Variants in CEP57L1 observed in about 807,000 individuals in gnomAD.
CEP57L1 encodes the protein centrosomal protein 57 like 1, also known as centrosomal protein CEP57L1.
Under a neutral mutation model 61.0 loss-of-function variants are expected in CEP57L1, and 37 were observed. The observed-to-expected ratio is 0.61, with a 90% CI of 0.47 to 0.80. The LOEUF is 0.80. CEP57L1 is among the 30% of genes least tolerant of loss of function. The pLI is 0.00. For missense variants in CEP57L1, 422 were observed against 524.7 expected, an observed-to-expected ratio of 0.80 and a Z score of 1.91; for synonymous variants, 137 against 162.3, an observed-to-expected ratio of 0.84 and a Z score of 1.19.
At position 109,163,239 on chromosome 6, in the gene CEP57L1, A is replaced by G. The variant is rs147961277; in HGVS notation, c.*269A>G. The G allele has an allele frequency of 1.8e-5, 5 of 282,814 alleles. No homozygotes were observed. The East Asian group carries it at 4.0e-4, about 23-fold the overall frequency. The allele number at this position is 282,814 out of a possible 1,614,324, so 17.5% of individuals were successfully genotyped here. ...GTTGGCTTTGCAGATATCTTAAGCT[A>G]AATTTAAGAAATTGTACTAGATTGA... On this transcript the variant is annotated 3_prime_UTR_variant, in exon 11 of 11. Coordinates refer to ENST00000517392, the MANE Select transcript of CEP57L1 (RefSeq NM_001271852.3).
At position 109,145,399 on chromosome 6, in the gene CEP57L1, T is replaced by C; in HGVS notation, c.160+18T>C. 6.7e-7 allele frequency: 1 copy of C among 1,501,192 alleles called. No individual in the cohort carries two copies. Among genetic ancestry groups the C allele is most frequent in the Non-Finnish European group, 8.9e-7 (1 of 1,118,272 alleles). The allele number at this position is 1,501,192 out of a possible 1,614,324, so 93.0% of individuals were successfully genotyped here. A position where few individuals can be genotyped will look rare whatever the true frequency, so the allele number is the denominator to read the frequency against. On this transcript the variant is annotated intron_variant, in intron 2 of 10. Transcript: ENST00000517392. Reference sequence around the variant, plus strand: ...TAGCCAAGGTAATGCTGATATAAAATTTGAAGAATGGTAAAAACATGCTAT... The same window carrying C: ...TAGCCAAGGTAATGCTGATATAAAACTTGAAGAATGGTAAAAACATGCTAT...
At chr6:109,153,790 C>T in intron 4 of CEP57L1, 43 bp from the exon 5 acceptor site, 1 of 1,113,200 alleles carries the variant, frequency 9.0e-7, no homozygotes, top group South Asian at 1.3e-5. Context: ...ATTGGCATTA[C>T]TTGCCAAATT....
intron 1 of CEP57L1, among the ~76,000 whole-genome samples, chr6:109,107,563 T>C (rs1771088609): frequency 6.6e-6 from 1 of 152,138 alleles, no homozygotes; most frequent in African/African-American, 2.4e-5. Context: ...ATTAAGGTAT[T>C]CATAAGGGAA....
rs17070184 is a variant in CEP57L1 at position 109,115,894 on chromosome 6, A to G, written c.-4+20319A>G. Reference sequence around the variant, plus strand: ...TAAGTGGTAATACTTTTCAAATGTTAAGTTGATATTTTTAGATTTTGCCTT... The same window carrying G: ...TAAGTGGTAATACTTTTCAAATGTTGAGTTGATATTTTTAGATTTTGCCTT... On this transcript the variant is annotated intron_variant, in intron 1 of 10. Coordinates refer to ENST00000517392, the MANE Select transcript of CEP57L1 (RefSeq NM_001271852.3). 3.4e-3 allele frequency among the ~76,000 whole-genome samples: 517 copies of G among 152,222 alleles called. 1 individual carries two copies. The highest frequency in any genetic ancestry group is 0.01 in the African/African-American group (417 of 41,554).
At chr6:109,138,092 C>T (rs1770938812) in intron 1 of CEP57L1, among the ~76,000 whole-genome samples, 3 of 152,150 alleles carry the variant, frequency 2.0e-5, no homozygotes, top group Non-Finnish European at 4.4e-5. Context: ...CTAGAGAGGA[C>T]TGAACAAAAG....
At chr6:109,153,972 A>G (rs1302492177) in intron 5 of CEP57L1, 23 bp downstream of exon 5, 1 of 1,201,324 alleles carries the variant, frequency 8.3e-7, no homozygotes, top group Non-Finnish European at 1.2e-6. Context: ...TGAAGTGATG[A>G]CAACAGGAAT....
intron 1 of CEP57L1, among the ~76,000 whole-genome samples, chr6:109,135,452 A>G (rs995067810): frequency 1.3e-5 from 2 of 152,256 alleles, no homozygotes; most frequent in Admixed American, 6.5e-5. Context: ...ACCTAAAACC[A>G]TAAAAACCCT....
At chr6:109,120,632 G>C (rs972686655) in intron 1 of CEP57L1, among the ~76,000 whole-genome samples, 1 of 151,818 alleles carries the variant, frequency 6.6e-6, no homozygotes, top group African/African-American at 2.4e-5. Flanking sequence ...TGGGATTATG[G>C]GCTACTCTTA....
chr6:109,144,283 T>G (rs889979157), intron 1 of CEP57L1, among the ~76,000 whole-genome samples: 1 of 152,026 alleles, frequency 6.6e-6, no homozygotes, highest in African/African-American at 2.4e-5. Flanking sequence ...ATTGAGGAGG[T>G]GGTGAAATCA....
In CEP57L1 at chr6:109,168,611, T is replaced by TC. The variant is rs1264380020; in HGVS notation, c.*5641_*5642insC. On this transcript the variant is annotated 3_prime_UTR_variant, in exon 11 of 11. Transcript: ENST00000517392. ...CAGCATTTTTTTTTTTTTTTTTTTT[T>TC]TGAGATTGGAGTCTCGCTCCTTCAC... 4.7e-5 allele frequency among the ~76,000 whole-genome samples: 7 copies of TC among 150,084 alleles called. No individual in the cohort carries two copies. Among genetic ancestry groups the TC allele is most frequent in the African/African-American group, 1.7e-4 (7 of 40,706 alleles).
At chr6:109,095,642 G>A in intron 1 of CEP57L1, 67 bp downstream of exon 1, 1 of 958,588 alleles carries the variant, frequency 1.0e-6, no homozygotes, top group Non-Finnish European at 1.2e-6. Flanking sequence ...TTTCCTCTGG[G>A]ATTTTGGAGA....
At chr6:109,146,112 G>C (rs1200895530) in intron 2 of CEP57L1, among the ~76,000 whole-genome samples, 1 of 151,814 alleles carries the variant, frequency 6.6e-6, no homozygotes, top group Non-Finnish European at 1.5e-5. Flanking sequence ...TCTCTAGCAA[G>C]CATCTTTCTA....
At chr6:109,132,129 A>G (rs1469529774) in intron 1 of CEP57L1, among the ~76,000 whole-genome samples, 1 of 152,178 alleles carries the variant, frequency 6.6e-6, no homozygotes, top group African/African-American at 2.4e-5. Flanking sequence ...ATCTTAACCT[A>G]AAGGTTTAGT....
intron 7 of CEP57L1, chr6:109,157,877 A>G (rs1297380473): frequency 1.3e-5 from 2 of 151,994 alleles, no homozygotes; most frequent in South Asian, 2.1e-4. Flanking sequence ...TGAGAGAATC[A>G]TATGTGTAGA....
intron 9 of CEP57L1, among the ~76,000 whole-genome samples, chr6:109,159,847 C>T (rs1364987362): frequency 6.6e-6 from 1 of 152,140 alleles, no homozygotes; most frequent in African/African-American, 2.4e-5. Flanking sequence ...ATCATTCTAA[C>T]ATACAGGATC....
At chr6:109,115,930 T>G (rs779930179) in intron 1 of CEP57L1, among the ~76,000 whole-genome samples, 50 of 152,228 alleles carry the variant, frequency 3.3e-4, no homozygotes, top group Non-Finnish European at 5.7e-4. Flanking sequence ...TTATTGCAGA[T>G]ATGAAGAATA....
chr6:109,128,536 C>T (rs903701263), intron 1 of CEP57L1, among the ~76,000 whole-genome samples: 2 of 152,092 alleles, frequency 1.3e-5, no homozygotes, highest in South Asian at 2.1e-4. Flanking sequence ...ACCTTAAAGC[C>T]GTCTGAATGA....
At chr6:109,159,544 G>C in intron 9 of CEP57L1, 82 bp downstream of exon 9, 1 of 1,330,374 alleles carries the variant, frequency 7.5e-7, no homozygotes, top group Non-Finnish European at 1.0e-6. Flanking sequence ...CCTGGTTTCA[G>C]GCAATCCTCC....
At chr6:109,117,122 T>C (rs1199401193) in intron 1 of CEP57L1, among the ~76,000 whole-genome samples, 1 of 152,194 alleles carries the variant, frequency 6.6e-6, no homozygotes, top group African/African-American at 2.4e-5. Flanking sequence ...TGTATTACTT[T>C]TATAATCAGA....
Sources: gnomAD v4.1 joint callset for allele counts (sites outside exome capture counted in the v4.1 genomes callset) on GRCh38, gnomAD v4.1.1 for gene constraint, MANE v1.5 for transcripts, NCBI Gene and HGNC (gene_info 2026-07-23, HGNC 2026-07-21) for gene names.